IPO11: variants seen among roughly 807,000 people sequenced by gnomAD.
IPO11 encodes importin 11.
In IPO11, 66 loss-of-function variants were observed where a neutral mutation model predicts 143.2. That is an observed-to-expected ratio of 0.46 (90% CI 0.38 to 0.57). The LOEUF is 0.57. Ranked by LOEUF, IPO11 falls within the 20% of genes least tolerant of loss-of-function variation. The pLI is 0.00. For missense variants in IPO11, 1,026 were observed against 1,141.0 expected, an observed-to-expected ratio of 0.90 and a Z score of 1.45; for synonymous variants, 385 against 377.8, an observed-to-expected ratio of 1.02 and a Z score of -0.22.
In IPO11 at chr5:62,467,256, A is replaced by C. The variant is rs771235982; in HGVS notation, c.642A>C (p.Ser214=). Residue 214 remains serine (S), a synonymous_variant, in exon 6 of 30, where the codon TCA becomes TCC. Transcript: ENST00000325324. Reference sequence around the variant, plus strand: ...GTTCACTAGAACGAACACTGCTATCATTGAAAGGTACTATTAAGCTTGATA... The same window carrying C: ...GTTCACTAGAACGAACACTGCTATCCTTGAAAGGTACTATTAAGCTTGATA... ...ILSSLERTLL[S]LKVLRKLTVN... 1 of 1,613,056 alleles carries C rather than the reference A, an allele frequency of 6.2e-7. No individual in the cohort carries two copies.
intron 2 of IPO11, among the ~76,000 whole-genome samples, chr5:62,442,522 G>A (rs1055771317): frequency 3.9e-5 from 6 of 151,998 alleles, no homozygotes; most frequent in South Asian, 2.1e-4. Flanking sequence ...CATAAATATC[G>A]ATATGATATA....
intron 27 of IPO11, among the ~76,000 whole-genome samples, chr5:62,570,682 ATAC>A (rs1744104380): frequency 6.6e-6 from 1 of 152,210 alleles, no homozygotes; most frequent in African/African-American, 2.4e-5. Flanking sequence ...TGTTAATTTG[ATAC>A]TACGTTCTCA....
intron 7 of IPO11, among the ~76,000 whole-genome samples, chr5:62,472,529 CTTTT>C (rs11398365): frequency 7.6e-6 from 1 of 131,214 alleles, no homozygotes; most frequent in Non-Finnish European, 1.6e-5. Flanking sequence ...ATATAAAAAT[CTTTT>C]TTTTTTTTTT....
At chr5:62,490,359 A>G (rs377682397) in intron 15 of IPO11, 139 bp downstream of exon 15, 2 of 490,940 alleles carry the variant, frequency 4.1e-6, no homozygotes, top group Non-Finnish European at 6.8e-6. Flanking sequence ...GTGGAAAGGA[A>G]TAAGAATTTT....
chr5:62,466,193 C>G (rs970952196), intron 5 of IPO11, among the ~76,000 whole-genome samples: 1 of 152,136 alleles, frequency 6.6e-6, no homozygotes, highest in South Asian at 2.1e-4. Flanking sequence ...GAGGTTCAAG[C>G]CTTTGCTAAG....
At chr5:62,556,827 C>T (rs1429251102) in intron 26 of IPO11, among the ~76,000 whole-genome samples, 1 of 152,104 alleles carries the variant, frequency 6.6e-6, no homozygotes, top group African/African-American at 2.4e-5. Flanking sequence ...GTCTTTCCAT[C>T]CTCTTTTATT....
intron 10 of IPO11, among the ~76,000 whole-genome samples, chr5:62,483,753 A>G (rs1412240472): frequency 1.3e-5 from 2 of 152,176 alleles, no homozygotes; most frequent in African/African-American, 2.4e-5. Flanking sequence ...CACACCCTCT[A>G]CATTATGAGG....
At chr5:62,536,100 T>C (rs903609254) in intron 22 of IPO11, among the ~76,000 whole-genome samples, 5 of 152,182 alleles carry the variant, frequency 3.3e-5, no homozygotes, top group Non-Finnish European at 7.4e-5. Flanking sequence ...AAACATAATA[T>C]AATTTTTTTG....
At chr5:62,510,497 A>G (rs1437165389) in intron 19 of IPO11, among the ~76,000 whole-genome samples, 5 of 152,154 alleles carry the variant, frequency 3.3e-5, no homozygotes. Flanking sequence ...CTCCTTCTTA[A>G]GAGATGTATG....
chr5:62,615,849 A>G (rs773233725), intron 29 of IPO11, among the ~76,000 whole-genome samples: 1 of 152,042 alleles, frequency 6.6e-6, no homozygotes, highest in Non-Finnish European at 1.5e-5. Flanking sequence ...GCCCCTTTTG[A>G]TTGGTTACTG....
At chr5:62,549,623 C>G (rs1406106862) in intron 24 of IPO11, among the ~76,000 whole-genome samples, 1 of 152,206 alleles carries the variant, frequency 6.6e-6, no homozygotes, top group Non-Finnish European at 1.5e-5. Context: ...AGCACTTAGG[C>G]TGGAAGTGTG....
At chr5:62,421,368 TGTA>T (rs1183309680) in intron 1 of IPO11, among the ~76,000 whole-genome samples, 1 of 152,244 alleles carries the variant, frequency 6.6e-6, no homozygotes, top group Non-Finnish European at 1.5e-5. Flanking sequence ...TCAGTTCTGA[TGTA>T]GTATAATTCA....
In IPO11 at chr5:62,469,133, TGGAAGTTAACTA is replaced by T. The variant is rs1745674005; in HGVS notation, c.650-1114_650-1103del. Among the ~76,000 whole-genome samples, 10 of 152,216 alleles carry T rather than the reference TGGAAGTTAACTA, an allele frequency of 6.6e-5. No homozygotes were observed. The South Asian group carries it at 2.1e-3, about 32-fold the overall frequency. ...TTGAGCTGTAATCTTAAAGGATAAGTGGAAGTTAACTAGGTGATGAAGGGAGAAGGAAAGGAT... is the reference window on the plus strand; with the variant it reads ...TTGAGCTGTAATCTTAAAGGATAAGTGGTGATGAAGGGAGAAGGAAAGGAT... On this transcript the variant is annotated intron_variant, in intron 6 of 29. Transcript: ENST00000325324.
At position 62,563,094 on chromosome 5, in the gene IPO11, T is replaced by G. The variant is rs550485571; in HGVS notation, c.2582+1837T>G. On this transcript the variant is annotated intron_variant, in intron 27 of 29. Transcript: ENST00000325324. Reference sequence around the variant, plus strand: ...GCTCCCCAGGTGGACATGCACAAGATGAAAAGATTTCTTCACTGTGAAATG... The same window carrying G: ...GCTCCCCAGGTGGACATGCACAAGAGGAAAAGATTTCTTCACTGTGAAATG... Among the ~76,000 whole-genome samples, 3 of 152,356 alleles carry G rather than the reference T, an allele frequency of 2.0e-5. No homozygotes were observed. In the South Asian group the frequency reaches 6.2e-4, roughly 32 times the overall value.
chr5:62,433,362 A>T (rs1259655422), intron 1 of IPO11, among the ~76,000 whole-genome samples: 1 of 152,098 alleles, frequency 6.6e-6, no homozygotes, highest in Non-Finnish European at 1.5e-5. Context: ...TCTTTTGTTT[A>T]CTTGTTTCTT....
chr5:62,447,123 G>A (rs1398573515), intron 3 of IPO11, among the ~76,000 whole-genome samples: 2 of 150,620 alleles, frequency 1.3e-5, no homozygotes, highest in Non-Finnish European at 3.0e-5. Context: ...TTTTTTTTAA[G>A]AAGACAGGGT....
chr5:62,429,957 C>T (rs1350001760), intron 1 of IPO11, among the ~76,000 whole-genome samples: 1 of 152,078 alleles, frequency 6.6e-6, no homozygotes, highest in Non-Finnish European at 1.5e-5. Context: ...TGGGTTTTCA[C>T]CATGTTGGCC....
At chr5:62,449,809 A>G in intron 3 of IPO11, 118 bp from the exon 4 acceptor site, 1 of 589,526 alleles carries the variant, frequency 1.7e-6, no homozygotes, top group Non-Finnish European at 2.9e-6. Context: ...TTTATTTACA[A>G]AAACCAATCA....
chr5:62,571,892 G>T (rs143378687), intron 27 of IPO11, among the ~76,000 whole-genome samples: 2,191 of 152,144 alleles, frequency 0.014, 24 homozygotes, highest in Non-Finnish European at 0.022. Flanking sequence ...CACCATGTTG[G>T]CCAGGCTGGT....
Sources: allele counts gnomAD v4.1 joint callset (sites outside exome capture counted in the v4.1 genomes callset), GRCh38; gene constraint gnomAD v4.1.1; transcripts MANE v1.5; gene names NCBI Gene and HGNC (gene_info 2026-07-23, HGNC 2026-07-21).